The following DOCK1 variants were observed in gnomAD, a reference collection of about 807,000 sequenced individuals.
DOCK1 encodes dedicator of cytokinesis 1.
Under a neutral mutation model 262.7 loss-of-function variants are expected in DOCK1, and 138 were observed. The ratio of observed to expected loss-of-function variants is 0.53; its 90% CI spans 0.46 to 0.61. DOCK1 has a LOEUF of 0.61. Ranked by LOEUF, DOCK1 falls within the 20% of genes least tolerant of loss-of-function variation. The pLI is 0.00. For missense variants in DOCK1, 1,908 were observed against 2,370.7 expected, an observed-to-expected ratio of 0.80 and a Z score of 4.05; for synonymous variants, 866 against 867.4, an observed-to-expected ratio of 1.00 and a Z score of 0.03.
chr10:127,020,579 A>AC (rs113863543), intron 13 of DOCK1, among the ~76,000 whole-genome samples: 7,100 of 152,002 alleles, frequency 0.047, 561 homozygotes, highest in African/African-American at 0.16. Flanking sequence ...AAAAAAAAAA[A>AC]AACTAAGTCT....
In DOCK1 at chr10:127,018,832, C is replaced by T; in HGVS notation, c.1324C>T (p.Pro442Ser). 1 of 1,613,748 alleles carries T rather than the reference C, an allele frequency of 6.2e-7. No individual in the cohort carries two copies. The highest frequency in any genetic ancestry group is 8.5e-7 in the Non-Finnish European group (1 of 1,179,808). The change falls in exon 13 of 52, where the codon CCT becomes TCT. Residue 442 changes from proline (P) to serine (S), a missense_variant. Pro to Ser is a moderately conservative substitution (Grantham distance 74). This residue lies in a region of DOCK1 where 294 missense variants were observed against 439.9 expected (regional missense o/e 0.67). Coordinates refer to ENST00000623213, the MANE Select transcript of DOCK1 (RefSeq NM_001290223.2). ...AACAGGGTTTCCGGAGATAATCATG[C>T]CTGGTAAGAACTGGCTTGTTCAGGG... is the stretch of plus-strand genomic sequence containing the variant. Reference protein sequence around the residue: ...RKTGFPEIIMPGDVRNDIYVT... With the variant: ...RKTGFPEIIMSGDVRNDIYVT...
chr10:126,932,281 C>T (rs957778442), intron 1 of DOCK1, among the ~76,000 whole-genome samples: 13,506 of 152,204 alleles, frequency 0.089, 673 homozygotes, highest in Middle Eastern at 0.16. Context: ...TGTTGGCATG[C>T]GCCTAGTCTC....
chr10:127,098,411 G>A (rs765018171), intron 23 of DOCK1, among the ~76,000 whole-genome samples: 13 of 152,128 alleles, frequency 8.5e-5, no homozygotes, highest in Non-Finnish European at 1.5e-4. Flanking sequence ...ATGTCAACAC[G>A]TGCATGGGTC....
intron 1 of DOCK1, among the ~76,000 whole-genome samples, chr10:126,946,154 G>C (rs1356778104): frequency 6.6e-6 from 1 of 152,084 alleles, no homozygotes; most frequent in Non-Finnish European, 1.5e-5. Flanking sequence ...CTTTAAAAAT[G>C]CACATTTCAT....
intron 27 of DOCK1, among the ~76,000 whole-genome samples, chr10:127,211,918 C>A (rs2134338433): frequency 6.6e-6 from 1 of 152,338 alleles, no homozygotes; most frequent in African/African-American, 2.4e-5. Flanking sequence ...GAAAGCTCTG[C>A]AGAGTGCGCC....
chr10:127,334,673 G>GT (rs1327905043), intron 29 of DOCK1, among the ~76,000 whole-genome samples: 4 of 152,178 alleles, frequency 2.6e-5, no homozygotes, highest in Non-Finnish European at 1.5e-5. Flanking sequence ...TGTATGTTTG[G>GT]TTTTATCTCC....
chr10:127,448,377 C>T (rs982797762), intron 51 of DOCK1, among the ~76,000 whole-genome samples: 3 of 152,204 alleles, frequency 2.0e-5, no homozygotes, highest in Admixed American at 2.0e-4. Flanking sequence ...AAACAAGCAC[C>T]TCAGTTACCA....
At chr10:127,442,803 CT>C in intron 49 of DOCK1, among the ~76,000 whole-genome samples, 1 of 152,350 alleles carries the variant, frequency 6.6e-6, no homozygotes, top group East Asian at 1.9e-4. Context: ...TGATTTTGTT[CT>C]TGACCGCACG....
intron 10 of DOCK1, among the ~76,000 whole-genome samples, chr10:127,004,489 G>A (rs1474539895): frequency 3.3e-5 from 5 of 152,126 alleles, no homozygotes; most frequent in African/African-American, 1.2e-4. Flanking sequence ...GTTCATGCCT[G>A]TAATCCTAGC....
intron 27 of DOCK1, among the ~76,000 whole-genome samples, chr10:127,150,157 A>G (rs1360347163): frequency 6.6e-6 from 1 of 152,162 alleles, no homozygotes; most frequent in Non-Finnish European, 1.5e-5. Context: ...TGCTGTGGCC[A>G]CCCATGTACA....
intron 1 of DOCK1, among the ~76,000 whole-genome samples, chr10:126,908,834 G>C (rs1441990103): frequency 1.3e-5 from 2 of 152,236 alleles, no homozygotes; most frequent in Admixed American, 1.3e-4. Flanking sequence ...TTTATGTCCC[G>C]ACGTCAATAA....
intron 47 of DOCK1, among the ~76,000 whole-genome samples, chr10:127,430,471 A>C (rs1020977854): frequency 1.3e-5 from 2 of 152,172 alleles, no homozygotes; most frequent in Non-Finnish European, 2.9e-5. Context: ...ACAGCCAGGG[A>C]CCAGGGTTCT....
At chr10:127,360,047 G>A (rs1386637763) in intron 32 of DOCK1, among the ~76,000 whole-genome samples, 2 of 152,106 alleles carry the variant, frequency 1.3e-5, no homozygotes, top group African/African-American at 2.4e-5. Context: ...AAGACAAGAG[G>A]GTCAGCTTTT....
chr10:127,288,128 TACC>T (rs2061225253), intron 29 of DOCK1, among the ~76,000 whole-genome samples: 1 of 152,216 alleles, frequency 6.6e-6, no homozygotes, highest in Non-Finnish European at 1.5e-5. Context: ...TTTTCTTTAA[TACC>T]TTCATGAATT....
At chr10:127,226,079 C>CAA (rs58963480) in intron 27 of DOCK1, among the ~76,000 whole-genome samples, 15,126 of 94,342 alleles carry the variant, frequency 0.16, 1,009 homozygotes, top group East Asian at 0.25. Context: ...GACTCTGTCT[C>CAA]AAAAAAAAAA....
chr10:127,063,225 G>T (rs373039277), intron 23 of DOCK1, among the ~76,000 whole-genome samples: 1 of 152,282 alleles, frequency 6.6e-6, no homozygotes, highest in Middle Eastern at 3.4e-3. Flanking sequence ...TTTGTTTAAC[G>T]TATAATTTTA....
intron 27 of DOCK1, among the ~76,000 whole-genome samples, chr10:127,153,557 G>C (rs1344753683): frequency 6.6e-6 from 1 of 152,130 alleles, no homozygotes; most frequent in Non-Finnish European, 1.5e-5. Flanking sequence ...CCAGAACACA[G>C]AGCCCAGGGC....
intron 29 of DOCK1, among the ~76,000 whole-genome samples, chr10:127,265,557 G>T (rs183376892): frequency 1.5e-4 from 23 of 152,244 alleles, no homozygotes; most frequent in African/African-American, 5.5e-4. Flanking sequence ...TTTCAACCAG[G>T]AAGTGTTTTC....
intron 29 of DOCK1, among the ~76,000 whole-genome samples, chr10:127,261,941 T>G (rs563909790): frequency 2.0e-4 from 28 of 142,444 alleles, no homozygotes; most frequent in Non-Finnish European, 3.9e-4. Context: ...TGCATGTGGG[T>G]GTGTGTGTGT....
Sources: allele counts gnomAD v4.1 joint callset (sites outside exome capture counted in the v4.1 genomes callset), GRCh38; gene constraint gnomAD v4.1.1; regional missense constraint gnomAD v4.1.1; transcripts MANE v1.5; gene names NCBI Gene and HGNC (gene_info 2026-07-23, HGNC 2026-07-21).